The following IGFBP7 variants were observed in gnomAD, a reference collection of about 807,000 sequenced individuals.
IGFBP7 encodes the protein insulin like growth factor binding protein 7.
IGFBP7 carries 31 observed loss-of-function variants against 29.4 expected under a neutral mutation model. The ratio of observed to expected loss-of-function variants is 1.05; its 90% confidence interval spans 0.79 to 1.42. IGFBP7 has a LOEUF of 1.42. Among genes scored for constraint, IGFBP7 ranks in the 40% most tolerant of loss-of-function variants. The pLI, the probability that IGFBP7 is intolerant of heterozygous loss-of-function variation, is 0.00. For synonymous variants in IGFBP7, 172 were observed against 174.9 expected (o/e 0.98, Z 0.13); for missense variants, 393 against 395.5 (o/e 0.99, Z 0.05).
At chr4:57,098,200 G>A (rs1433566543) in intron 1 of IGFBP7, among the ~76,000 whole-genome samples, 2 of 151,378 alleles carry the variant, frequency 1.3e-5, no homozygotes, top group African/African-American at 4.8e-5. Context: ...TAAATCTGGG[G>A]ACGGAGTTAG....
chr4:57,069,527 G>T (rs768082226), intron 1 of IGFBP7, among the ~76,000 whole-genome samples: 33 of 152,140 alleles, frequency 2.2e-4, no homozygotes, highest in Non-Finnish European at 3.8e-4. Flanking sequence ...GTCCTTCTGT[G>T]GTGGCACCTG....
At chr4:57,046,889 T>C (rs1316885804) in intron 1 of IGFBP7, among the ~76,000 whole-genome samples, 1 of 152,206 alleles carries the variant, frequency 6.6e-6, no homozygotes, top group Admixed American at 6.5e-5. Flanking sequence ...CACTTTCCTT[T>C]TACCTTACAC....
chr4:57,048,052 G>GC (rs921636561), intron 1 of IGFBP7, among the ~76,000 whole-genome samples: 4 of 128,266 alleles, frequency 3.1e-5, no homozygotes, highest in Admixed American at 8.3e-5. Flanking sequence ...GCCCCCCTCC[G>GC]CCCCCCTTTT....
intron 1 of IGFBP7, among the ~76,000 whole-genome samples, chr4:57,075,678 T>C (rs537172900): frequency 6.6e-6 from 1 of 151,810 alleles, no homozygotes; most frequent in South Asian, 2.1e-4. Context: ...CTTTTAGAGA[T>C]AGAAGAGGTC....
intron 1 of IGFBP7, among the ~76,000 whole-genome samples, chr4:57,044,295 A>T (rs1724306986): frequency 6.6e-6 from 1 of 152,206 alleles, no homozygotes; most frequent in Admixed American, 6.5e-5. Flanking sequence ...TTTCTGCCAG[A>T]GATCTTGAAG....
At position 57,054,639 on chromosome 4, in the gene IGFBP7, C is replaced by CAAAAAAAA. The variant is rs75161514; in HGVS notation, c.476-13714_476-13707dup. ...GGCGACAGAGCGAGGCTCTCTCTCACAAAAAAAAAAAAAAAAAAAAAAAAA... is the reference window on the plus strand; with the variant it reads ...GGCGACAGAGCGAGGCTCTCTCTCACAAAAAAAAAAAAAAAAAAAAAAAAAAAAAAAAA... On this transcript the variant is annotated intron_variant, in intron 1 of 4. Coordinates refer to ENST00000295666, the MANE Select transcript of IGFBP7 (RefSeq NM_001553.3). Among the ~76,000 whole-genome samples, 243 of 27,772 alleles carry CAAAAAAAA rather than the reference C, an allele frequency of 8.7e-3. 9 individuals carry two copies. The highest frequency in any genetic ancestry group is 0.079 in the East Asian group (33 of 418). 18.2% of individuals were successfully genotyped at this position (27,772 alleles called of 152,430 possible). A position where few individuals can be genotyped will look rare whatever the true frequency, so the allele number is the denominator to read the frequency against.
Position 57,071,443 on chromosome 4 carries a change from A to C in IGFBP7, c.476-30510T>G, listed in dbSNP as rs193075581. ...TATCTGTGCTGACAACTAAGTTTGC[A>C]CTCAGTCTGGTATCATAGCTGGTTC... On this transcript the variant is annotated intron_variant, in intron 1 of 4. Transcript: ENST00000295666. Among the ~76,000 whole-genome samples the C allele has an allele frequency of 1.6e-4, 24 of 152,266 alleles. No individual in the cohort carries two copies. The East Asian group carries it at 4.6e-3, about 29-fold the overall frequency.
intron 1 of IGFBP7, among the ~76,000 whole-genome samples, chr4:57,102,033 C>T (rs1725910383): frequency 6.6e-6 from 1 of 152,142 alleles, no homozygotes; most frequent in Non-Finnish European, 1.5e-5. Context: ...TCAGGGTTCC[C>T]CAGCTGCTAA....
intron 1 of IGFBP7, among the ~76,000 whole-genome samples, chr4:57,064,575 T>G (rs565601451): frequency 6.6e-6 from 1 of 152,346 alleles, no homozygotes; most frequent in South Asian, 2.1e-4. Flanking sequence ...AATCTCTTGC[T>G]AAGGTGCAGA....
At chr4:57,053,019 C>CT (rs60116761) in intron 1 of IGFBP7, among the ~76,000 whole-genome samples, 239 of 141,084 alleles carry the variant, frequency 1.7e-3, no homozygotes, top group Middle Eastern at 3.7e-3. Context: ...TCTTTTCTAT[C>CT]TTTTTTTTTT....
chr4:57,110,103 C>G lies in IGFBP7; in HGVS notation c.249G>C (p.Pro83=). Residue 83 remains proline, a synonymous_variant, in exon 1 of 5, where the codon CCG becomes CCC. Coordinates refer to ENST00000295666, the MANE Select transcript of IGFBP7 (RefSeq NM_001553.3). ...TGCGGCTCTTCACGCACTCCATGCCCGGCGCGCAGTACCCCCTGCCGGCGC... is the reference window on the plus strand; with the variant it reads ...TGCGGCTCTTCACGCACTCCATGCCGGGCGCGCAGTACCCCCTGCCGGCGC... ...GGGAGRGYCA[P]GMECVKSRKR... is the part of the protein sequence containing the mutation. 1 of 1,533,448 alleles carries G rather than the reference C, an allele frequency of 6.5e-7. No individual in the cohort carries two copies. Among genetic ancestry groups the G allele is most frequent in the Non-Finnish European group, 8.7e-7 (1 of 1,146,796 alleles). The allele number at this position is 1,533,448 out of a possible 1,614,324, so 95.0% of individuals were successfully genotyped here.
intron 1 of IGFBP7, among the ~76,000 whole-genome samples, chr4:57,073,475 G>T (rs2109778348): frequency 6.6e-6 from 1 of 151,962 alleles, no homozygotes; most frequent in East Asian, 1.9e-4. Flanking sequence ...TGTGCCTGTA[G>T]TTCCAGCTAC....
chr4:57,102,340 G>C (rs1725920377), intron 1 of IGFBP7, among the ~76,000 whole-genome samples: 1 of 152,174 alleles, frequency 6.6e-6, no homozygotes, highest in Non-Finnish European at 1.5e-5. Flanking sequence ...TGCCTGCTCA[G>C]CTTAATCATT....
intron 1 of IGFBP7, among the ~76,000 whole-genome samples, chr4:57,043,543 T>C (rs2109746687): frequency 6.6e-6 from 1 of 152,328 alleles, no homozygotes; most frequent in Admixed American, 6.5e-5. Flanking sequence ...ATGACCCCAG[T>C]GTGCAAGATT....
At chr4:57,051,135 C>A (rs918899673) in intron 1 of IGFBP7, among the ~76,000 whole-genome samples, 1 of 152,006 alleles carries the variant, frequency 6.6e-6, no homozygotes, top group African/African-American at 2.4e-5. Flanking sequence ...AAGTACAAAA[C>A]GGGAAAAGAA....
At chr4:57,093,311 G>A (rs986690325) in intron 1 of IGFBP7, among the ~76,000 whole-genome samples, 1 of 152,172 alleles carries the variant, frequency 6.6e-6, no homozygotes, top group Non-Finnish European at 1.5e-5. Context: ...AATCAGCCTG[G>A]CCAACATGGT....
At chr4:57,044,556 A>G (rs770037016) in intron 1 of IGFBP7, among the ~76,000 whole-genome samples, 4 of 152,084 alleles carry the variant, frequency 2.6e-5, no homozygotes, top group African/African-American at 4.8e-5. Flanking sequence ...GTCAAGTTTC[A>G]TTTTTCCTCC....
intron 1 of IGFBP7, among the ~76,000 whole-genome samples, chr4:57,068,725 A>C (rs1243111185): frequency 6.6e-6 from 1 of 152,232 alleles, no homozygotes; most frequent in Non-Finnish European, 1.5e-5. Context: ...TAAACCAAGA[A>C]TGGGATTAGT....
At chr4:57,106,559 T>C (rs1165136098) in intron 1 of IGFBP7, among the ~76,000 whole-genome samples, 1 of 152,136 alleles carries the variant, frequency 6.6e-6, no homozygotes, top group Non-Finnish European at 1.5e-5. Flanking sequence ...AATGGAGTTA[T>C]ATTGTGAAGG....
Sources: gnomAD v4.1 joint callset for allele counts (sites outside exome capture counted in the v4.1 genomes callset) on GRCh38, gnomAD v4.1.1 for gene constraint, MANE v1.5 for transcripts, NCBI Gene and HGNC (gene_info 2026-07-23, HGNC 2026-07-21) for gene names.